BLTP3B: variants seen among roughly 807,000 people sequenced by gnomAD.
The protein encoded by BLTP3B is bridge-like lipid transfer protein family member 3B.
the BLTP3B span, chr12:100,057,492 T>C: frequency 6.1e-6 from 7 of 1,156,530 alleles, no homozygotes; most frequent in Non-Finnish European, 7.0e-6. Flanking sequence ...TAACAATTAC[T>C]GAATATAACT....
chr12:100,047,689 T>G, the BLTP3B span: 9 of 1,344,086 alleles, frequency 6.7e-6, no homozygotes, highest in Non-Finnish European at 9.6e-6. Flanking sequence ...GGTCATATTT[T>G]TAATGAGTTA....
chr12:100,109,100 T>C, the BLTP3B span, among the ~76,000 whole-genome samples: 234 of 150,796 alleles, frequency 1.6e-3, 1 homozygote, highest in Non-Finnish European at 2.7e-3. Context: ...TAGTTTCTCA[T>C]GATAGTTAGG....
the BLTP3B span, among the ~76,000 whole-genome samples, chr12:100,052,321 G>A: frequency 6.6e-6 from 1 of 152,028 alleles, no homozygotes; most frequent in Non-Finnish European, 1.5e-5. Flanking sequence ...AGGATTACAG[G>A]CGTGAGCCAC....
At chr12:100,086,591 C>T in the BLTP3B span, among the ~76,000 whole-genome samples, 1 of 152,154 alleles carries the variant, frequency 6.6e-6, no homozygotes, top group African/African-American at 2.4e-5. Context: ...AGCAGAATCC[C>T]TGCCCTGGTA....
chr12:100,061,333 A>G, the BLTP3B span, among the ~76,000 whole-genome samples: 1 of 152,300 alleles, frequency 6.6e-6, no homozygotes, highest in Admixed American at 6.5e-5. Flanking sequence ...GTGGGACTGA[A>G]AAAGGAACCC....
the BLTP3B span, chr12:100,108,286 A>G: frequency 2.0e-5 from 25 of 1,259,332 alleles, no homozygotes; most frequent in Non-Finnish European, 2.6e-5. Flanking sequence ...TTTTTACACA[A>G]TTATCTAAAA....
the BLTP3B span, chr12:100,103,796 ACCTAACTG>A: frequency 1.2e-6 from 1 of 856,014 alleles, no homozygotes; most frequent in Non-Finnish European, 1.7e-6. Context: ...ATAAAATGAA[ACCTAACTG>A]GTGAAAAATC....
At chr12:100,125,923 A>C in the BLTP3B span, among the ~76,000 whole-genome samples, 1 of 152,218 alleles carries the variant, frequency 6.6e-6, no homozygotes, top group Non-Finnish European at 1.5e-5. Flanking sequence ...AAATGGCAAC[A>C]GGATAAAATG....
At chr12:100,125,204 C>T in the BLTP3B span, among the ~76,000 whole-genome samples, 7 of 150,406 alleles carry the variant, frequency 4.7e-5, no homozygotes, top group East Asian at 8.0e-4. Flanking sequence ...TGGAGGCACA[C>T]GCCTGTAATT....
chr12:100,087,050 T>G, the BLTP3B span, among the ~76,000 whole-genome samples: 5 of 149,620 alleles, frequency 3.3e-5, no homozygotes, highest in African/African-American at 1.2e-4. Flanking sequence ...TCCCAGCTAC[T>G]TGGGAGGCTG....
chr12:100,089,137 A>T, the BLTP3B span: 1 of 1,397,810 alleles, frequency 7.2e-7, no homozygotes, highest in Non-Finnish European at 9.4e-7. Context: ...CAATTTAAAT[A>T]CTGGAAATTT....
At chr12:100,046,998 C>G in the BLTP3B span, among the ~76,000 whole-genome samples, 1 of 152,166 alleles carries the variant, frequency 6.6e-6, no homozygotes. Flanking sequence ...ATTTGTACAA[C>G]AGGTACTAAA....
chr12:100,090,248 C>G, the BLTP3B span, among the ~76,000 whole-genome samples: 1 of 152,120 alleles, frequency 6.6e-6, no homozygotes, highest in South Asian at 2.1e-4. Context: ...ACTTGAATAA[C>G]TAAAGAAGCC....
the BLTP3B span, chr12:100,051,208 G>A: frequency 2.5e-6 from 4 of 1,610,040 alleles, no homozygotes; most frequent in Non-Finnish European, 3.4e-6. Flanking sequence ...TTGTAGTTGA[G>A]TTCTTTTTAT....
At chr12:100,053,822 T>C in the BLTP3B span, among the ~76,000 whole-genome samples, 9 of 152,262 alleles carry the variant, frequency 5.9e-5, no homozygotes, top group African/African-American at 1.9e-4. Flanking sequence ...AGTAAAAAAT[T>C]GAAGATATCA....
the BLTP3B span, chr12:100,084,762 T>C: frequency 5.7e-6 from 7 of 1,230,362 alleles, no homozygotes; most frequent in Non-Finnish European, 6.6e-6. Flanking sequence ...CAAGAAAGAC[T>C]TTGATATCTG....
chr12:100,142,813 A>C, the BLTP3B span: 1 of 893,834 alleles, frequency 1.1e-6, no homozygotes, highest in Non-Finnish European at 1.6e-6. Context: ...CCGGAGCATC[A>C]CGCTCAGGCC....
chr12:100,089,279 C>A, the BLTP3B span, among the ~76,000 whole-genome samples: 1 of 152,094 alleles, frequency 6.6e-6, no homozygotes, highest in Admixed American at 6.6e-5. Flanking sequence ...AATTTAAAAA[C>A]GGTAAAACTA....
At chr12:100,045,567 A>G in the BLTP3B span, among the ~76,000 whole-genome samples, 2 of 152,210 alleles carry the variant, frequency 1.3e-5, no homozygotes, top group Admixed American at 6.5e-5. Context: ...CCCCTTACAC[A>G]AAAATTAACT....
Sources: gnomAD v4.1 joint callset for allele counts (sites outside exome capture counted in the v4.1 genomes callset) on GRCh38, gnomAD v4.1.1 for gene constraint, MANE v1.5 for transcripts, NCBI Gene and HGNC (gene_info 2026-07-23, HGNC 2026-07-21) for gene names.